The following GRIN2A variants were observed in gnomAD, a reference collection of about 807,000 sequenced individuals.
GRIN2A encodes the protein glutamate receptor ionotropic, NMDA 2A.
In GRIN2A, 22 loss-of-function variants were observed where a neutral mutation model predicts 113.4. The ratio of observed to expected loss-of-function variants is 0.19; its 90% CI spans 0.14 to 0.28. The LOEUF is 0.28. Among genes scored for constraint, GRIN2A ranks in the 10% least tolerant of loss-of-function variants. The pLI is 1.00. For missense variants in GRIN2A, 1,502 were observed against 1,887.0 expected (o/e 0.80, Z 3.78); for synonymous variants, 827 against 738.4 (o/e 1.12, Z -1.94).
At chr16:9,933,314 C>T (rs2044640256) in intron 3 of GRIN2A, among the ~76,000 whole-genome samples, 1 of 150,646 alleles carries the variant, frequency 6.6e-6, no homozygotes, top group African/African-American at 2.5e-5. Flanking sequence ...CACGCCCAGC[C>T]CATGAGCAAC....
intron 11 of GRIN2A, among the ~76,000 whole-genome samples, chr16:9,792,881 G>T (rs989103911): frequency 6.6e-6 from 1 of 152,232 alleles, no homozygotes. Flanking sequence ...GAAATGATCA[G>T]AATTGGACTC....
intron 4 of GRIN2A, among the ~76,000 whole-genome samples, chr16:9,863,442 A>G (rs1340162844): frequency 2.6e-5 from 4 of 152,186 alleles, no homozygotes; most frequent in Admixed American, 6.5e-5. Context: ...TTTGCCTGTG[A>G]ATTGACTCTT....
At chr16:10,086,094 CAG>C (rs1023735641) in intron 2 of GRIN2A, among the ~76,000 whole-genome samples, 2 of 152,132 alleles carry the variant, frequency 1.3e-5, no homozygotes, top group African/African-American at 4.8e-5. Context: ...AGTAGGCACT[CAG>C]AAAGTGTTTG....
intron 2 of GRIN2A, among the ~76,000 whole-genome samples, chr16:10,039,270 C>T (rs1466678442): frequency 6.6e-6 from 1 of 152,158 alleles, no homozygotes; most frequent in East Asian, 1.9e-4. Context: ...CGTGTTTTCT[C>T]AGATGCTCTC....
chr16:10,138,550 C>T (rs996401849), intron 2 of GRIN2A, among the ~76,000 whole-genome samples: 7 of 152,116 alleles, frequency 4.6e-5, no homozygotes, highest in African/African-American at 7.2e-5. Flanking sequence ...AATCCGCCCC[C>T]GTTATCCAAT....
chr16:10,065,532 T>G (rs2047633197), intron 2 of GRIN2A, among the ~76,000 whole-genome samples: 1 of 152,236 alleles, frequency 6.6e-6, no homozygotes, highest in Admixed American at 6.5e-5. Context: ...ATTTGCTCAC[T>G]GTGTGACTTC....
At chr16:9,914,626 A>G (rs1198578622) in intron 3 of GRIN2A, among the ~76,000 whole-genome samples, 1 of 152,190 alleles carries the variant, frequency 6.6e-6, no homozygotes, top group Non-Finnish European at 1.5e-5. Context: ...CTTATTGAAG[A>G]TGGAAAGATG....
chr16:9,872,401 T>C (rs1420443865), intron 4 of GRIN2A, among the ~76,000 whole-genome samples: 1 of 152,154 alleles, frequency 6.6e-6, no homozygotes, highest in Non-Finnish European at 1.5e-5. Context: ...AGTCACTTCA[T>C]CTCTTGGCAT....
At chr16:10,093,835 G>A (rs2048232884) in intron 2 of GRIN2A, among the ~76,000 whole-genome samples, 1 of 152,136 alleles carries the variant, frequency 6.6e-6, no homozygotes, top group Non-Finnish European at 1.5e-5. Context: ...GCCGGTTTTG[G>A]CTTTTGCCCA....
At chr16:9,900,280 T>C (rs1206917515) in intron 3 of GRIN2A, among the ~76,000 whole-genome samples, 3 of 152,092 alleles carry the variant, frequency 2.0e-5, no homozygotes, top group African/African-American at 4.8e-5. Flanking sequence ...GAGGAGGAGC[T>C]CATTTGATTG....
At chr16:10,178,558 A>G (rs1465464980) in intron 2 of GRIN2A, among the ~76,000 whole-genome samples, 2 of 152,210 alleles carry the variant, frequency 1.3e-5, no homozygotes, top group Non-Finnish European at 2.9e-5. Flanking sequence ...TCTTCTTCCC[A>G]GACAGGAGCC....
intron 2 of GRIN2A, among the ~76,000 whole-genome samples, chr16:10,011,286 G>C (rs837691): frequency 0.84 from 128,398 of 152,226 alleles, 55,017 homozygotes; most frequent in African/African-American, 0.91. Flanking sequence ...GATAAGTGGA[G>C]ACAAGTTCAC....
At chr16:10,044,003 G>A (rs1596457292) in intron 2 of GRIN2A, among the ~76,000 whole-genome samples, 1 of 80,588 alleles carries the variant, frequency 1.2e-5, no homozygotes, top group African/African-American at 5.5e-5. Flanking sequence ...GTGTGTGTGT[G>A]TGTGTATATA....
At chr16:9,845,577 C>T (rs570655157) in intron 5 of GRIN2A, among the ~76,000 whole-genome samples, 20 of 152,274 alleles carry the variant, frequency 1.3e-4, no homozygotes, top group Non-Finnish European at 7.3e-5. Context: ...ACATCATCCC[C>T]TCCATCCTCC....
intron 2 of GRIN2A, among the ~76,000 whole-genome samples, chr16:10,140,799 G>T (rs189173645): frequency 7.2e-5 from 11 of 152,302 alleles, no homozygotes; most frequent in Admixed American, 1.3e-4. Context: ...TCTGCACTCT[G>T]TTTCCCCTAA....
intron 5 of GRIN2A, among the ~76,000 whole-genome samples, chr16:9,849,332 AAAAT>A (rs991747106): frequency 6.6e-6 from 1 of 151,036 alleles, no homozygotes; most frequent in African/African-American, 2.4e-5. Flanking sequence ...TGTATGTTCA[AAAAT>A]AAATAAATGA....
intron 9 of GRIN2A, among the ~76,000 whole-genome samples, chr16:9,828,236 A>C (rs2141308570): frequency 6.6e-6 from 1 of 152,308 alleles, no homozygotes; most frequent in East Asian, 1.9e-4. Flanking sequence ...AGGTGAGATA[A>C]CACAGGGCTT....
At position 10,039,785 on chromosome 16, in the gene GRIN2A, G is replaced by GGGAGA. The variant is rs1444247762; in HGVS notation, c.415-101235_415-101234insTCTCC. Among the ~76,000 whole-genome samples the GGGAGA allele has an allele frequency of 2.0e-3, 149 of 75,882 alleles. 8 individuals are homozygous for GGGAGA. Among genetic ancestry groups the GGGAGA allele is most frequent in the East Asian group, 6.8e-3 (6 of 884 alleles). 49.8% of individuals were successfully genotyped at this position (75,882 alleles called of 152,430 possible). The stretch of plus-strand genomic sequence containing the variant: ...GCAAGGGAGGGAGAGGGAGGGGGAG[G>GGGAGA]GGGAGGGGGAGGGGGAGGGGGGGGA... On this transcript the variant is annotated intron_variant, in intron 2 of 12. Transcript: ENST00000330684.
intron 2 of GRIN2A, among the ~76,000 whole-genome samples, chr16:9,988,267 G>A (rs2046019800): frequency 1.5e-5 from 1 of 64,856 alleles, no homozygotes; most frequent in African/African-American, 6.6e-5. Context: ...AGATCCATAG[G>A]GGTGTGTGTG....
Sources: allele counts gnomAD v4.1 joint callset (sites outside exome capture counted in the v4.1 genomes callset), GRCh38; gene constraint gnomAD v4.1.1; transcripts MANE v1.5; gene names NCBI Gene and HGNC (gene_info 2026-07-23, HGNC 2026-07-21).